HRG: variants seen among roughly 807,000 people sequenced by gnomAD.
HRG encodes histidine-rich glycoprotein.
In HRG, 26 loss-of-function variants were observed where a neutral mutation model predicts 29.5. The observed-to-expected ratio is 0.88, with a 90% CI of 0.65 to 1.22. HRG has a LOEUF of 1.22. HRG is among the 50% of genes most tolerant of loss of function. The probability of loss-of-function intolerance (pLI) is 0.00; values close to 1 mark genes in which losing one functional copy is unlikely to be tolerated. For missense variants in HRG, 671 were observed against 654.5 expected (o/e 1.03, Z -0.28); for synonymous variants, 243 against 240.4 (o/e 1.01, Z -0.10).
intron 1 of HRG, 72 bp downstream of exon 1, chr3:186,666,286 G>A: frequency 6.8e-7 from 1 of 1,475,116 alleles, no homozygotes; most frequent in Non-Finnish European, 9.4e-7. Flanking sequence ...TACCCCCTAG[G>A]CTTACTGCTT....
intron 6 of HRG, among the ~76,000 whole-genome samples, chr3:186,675,570 G>T (rs985293744): frequency 1.3e-5 from 2 of 152,030 alleles, no homozygotes; most frequent in Admixed American, 1.3e-4. Context: ...CTTTGTAGTC[G>T]GGACTCTAGT....
In HRG at chr3:186,678,119, G is replaced by A. The variant is rs942299979; in HGVS notation, c.*236G>A. Reference sequence around the variant, plus strand: ...TGTCACTCACCACTACATCACTTGAGACAAATCTATGCCACTCAGAATCTC... The same window carrying A: ...TGTCACTCACCACTACATCACTTGAAACAAATCTATGCCACTCAGAATCTC... On this transcript the variant is annotated 3_prime_UTR_variant, in exon 7 of 7. Transcript: ENST00000232003. 1 of 508,130 alleles carries A rather than the reference G, an allele frequency of 2.0e-6. No homozygotes were observed. The highest frequency in any genetic ancestry group is 3.5e-6 in the Non-Finnish European group (1 of 282,834). The allele number at this position is 508,130 out of a possible 1,614,324, so 31.5% of individuals were successfully genotyped here.
chr3:186,671,715 C>T lies in HRG; in HGVS notation c.484C>T (p.Leu162Phe). The change falls in exon 4 of 7, where the codon CTT (leucine) becomes TTT (phenylalanine). Residue 162 changes from leucine (L) to phenylalanine (F), a missense_variant. Physicochemically the swap from Leu to Phe is conservative, Grantham distance 22. Coordinates refer to ENST00000232003, the MANE Select transcript of HRG (RefSeq NM_000412.5). ...ERYRKQANKA[L>F]EKYKEENDDF... Reference sequence around the variant, plus strand: ...CTACAGAAAACAAGCCAACAAAGCCCTTGAGAAGTACAAAGAGGAGAATGA... The same window carrying T: ...CTACAGAAAACAAGCCAACAAAGCCTTTGAGAAGTACAAAGAGGAGAATGA... 2.5e-6 allele frequency: 4 copies of T among 1,613,954 alleles called. 1 individual carries two copies. Among genetic ancestry groups the T allele is most frequent in the Non-Finnish European group, 3.4e-6 (4 of 1,179,898 alleles).
At chr3:186,666,810 GGTTGAGGCAGAA>G (rs1238158840) in intron 1 of HRG, 4 of 155,732 alleles carry the variant, frequency 2.6e-5, no homozygotes, top group Admixed American at 1.3e-4. Flanking sequence ...CTACTCAGGG[GGTTGAGGCAGAA>G]GAATCGCTTG....
intron 6 of HRG, among the ~76,000 whole-genome samples, chr3:186,676,153 G>A (rs1428538956): frequency 6.6e-6 from 1 of 151,986 alleles, no homozygotes; most frequent in Non-Finnish European, 1.5e-5. Flanking sequence ...ACAGACATGA[G>A]CCACCGTGCC....
chr3:186,667,463 T>C (rs139987539), intron 1 of HRG, among the ~76,000 whole-genome samples: 60 of 152,256 alleles, frequency 3.9e-4, no homozygotes, highest in African/African-American at 1.1e-3. Context: ...CTTCCCATTT[T>C]CTTCAGTTCA....
intron 5 of HRG, chr3:186,674,868 GA>G (rs1373392072): frequency 1.3e-5 from 7 of 527,816 alleles, no homozygotes; most frequent in East Asian, 7.6e-5. Flanking sequence ...GCCTGCTCAT[GA>G]AAAAAACCAC....
Position 186,671,810 on chromosome 3 carries a change from G to A in HRG, c.558+21G>A, listed in dbSNP as rs150963946. Reference sequence around the variant, plus strand: ...GAGTGGTGAGTCTCCACTAAGGTTCGGTTGGAGTCTGAAGGCCCAGGCTCC... The same window carrying A: ...GAGTGGTGAGTCTCCACTAAGGTTCAGTTGGAGTCTGAAGGCCCAGGCTCC... On this transcript the variant is annotated intron_variant, in intron 4 of 6. Coordinates refer to ENST00000232003, the MANE Select transcript of HRG (RefSeq NM_000412.5). 117 of 1,611,900 alleles carry A rather than the reference G, an allele frequency of 7.3e-5. No individual in the cohort carries two copies. The African/African-American group carries it at 7.7e-4, about 11-fold the overall frequency.
rs148593044 is a variant in HRG, at chr3:186,666,103, C to A, written c.72C>A (p.Cys24Ter). The change falls in exon 1 of 7, where the codon TGC becomes TGA. Residue 24 changes from cysteine (C) to a stop codon, truncating the protein, a stop_gained. Transcript: ENST00000232003. LOFTEE classifies it high-confidence loss of function. ...CGTGTGCCGTGAGTCCCACTGACTG[C>A]AGTGCTGTTGAGCCGGAGGCTGAGA... ...QYSCAVSPTD[C>*]SAVEPEAEKA... The A allele has an allele frequency of 1.2e-4, 195 of 1,614,056 alleles. No homozygotes were observed. The highest frequency in any genetic ancestry group is 1.4e-4 in the Non-Finnish European group (170 of 1,180,008).
chr3:186,669,839 G>A (rs1256767954), intron 2 of HRG, 99 bp from the exon 3 acceptor site: 1 of 770,980 alleles, frequency 1.3e-6, no homozygotes, highest in African/African-American at 1.7e-5. Context: ...TAAATGAACA[G>A]TAGGAGGATG....
chr3:186,666,322 G>GT, intron 1 of HRG, 108 bp downstream of exon 1: 1 of 1,188,874 alleles, frequency 8.4e-7, no homozygotes. Context: ...TTTGGTCAGA[G>GT]TTTTTTGTTT....
At position 186,671,786 on chromosome 3, in the gene HRG, A is replaced by T. The variant is rs563933562; in HGVS notation, c.555A>T (p.Arg185Ser). ...FRVDRIERVA[R>S]VRGGEGTGYF... Reference sequence around the variant, plus strand: ...TGGACCGAATCGAGAGAGTTGCAAGAGTGGTGAGTCTCCACTAAGGTTCGG... The same window carrying T: ...TGGACCGAATCGAGAGAGTTGCAAGTGTGGTGAGTCTCCACTAAGGTTCGG... Residue 185 changes from arginine (R) to serine (S), a missense_variant, in exon 4 of 7, where the codon AGA becomes AGT. Coordinates refer to ENST00000232003, the MANE Select transcript of HRG (RefSeq NM_000412.5). The T allele has an allele frequency of 1.5e-5, 24 of 1,613,702 alleles. 1 individual carries two copies. The South Asian group carries it at 2.4e-4, about 16-fold the overall frequency.
rs945204864 is a variant in HRG at position 186,677,412 on chromosome 3, C to G, written c.1107C>G (p.His369Gln). Reference protein sequence around the residue: ...QHPHGHHPHAHHPHEHDTHRQ... With the variant: ...QHPHGHHPHAQHPHEHDTHRQ... ...CCCACGGACACCATCCCCATGCACA[C>G]CATCCTCATGAACATGATACCCATA... The change falls in exon 7 of 7, where the codon CAC becomes CAG. Residue 369 changes from histidine (H) to glutamine (Q), a missense_variant. Coordinates refer to ENST00000232003, the MANE Select transcript of HRG (RefSeq NM_000412.5). 6.2e-7 allele frequency: 1 copy of G among 1,608,170 alleles called. No individual in the cohort carries two copies. Among genetic ancestry groups the G allele is most frequent in the South Asian group, 1.1e-5 (1 of 90,176 alleles).
rs1001665040 is a variant in HRG at position 186,666,353 on chromosome 3, A to G, written c.183+139A>G. 1.5e-5 allele frequency: 12 copies of G among 809,928 alleles called. No individual in the cohort carries two copies. In the Admixed American group the frequency reaches 1.6e-4, roughly 11 times the overall value. 50.2% of individuals were successfully genotyped at this position (809,928 alleles called of 1,614,324 possible). On this transcript the variant is annotated intron_variant, in intron 1 of 6. Transcript: ENST00000232003. ...TGTTTGGCTTCTGCGGCTGCTCTAA[A>G]TTGTTCTTTTTTCCTTCAAACTAAT...
intron 6 of HRG, 45 bp downstream of exon 6, chr3:186,675,235 T>A (rs1451471911): frequency 5.9e-6 from 7 of 1,183,070 alleles, no homozygotes; most frequent in Non-Finnish European, 8.9e-6. Flanking sequence ...CCAGATTAAG[T>A]GACATACGTA....
chr3:186,677,477 C>T lies in HRG; in HGVS notation c.1172C>T (p.Pro391Leu). Residue 391 changes from proline (P) to leucine (L), a missense_variant, in exon 7 of 7, where the codon CCT becomes CTT. Pro to Leu is a moderately conservative substitution (Grantham distance 98). Coordinates refer to ENST00000232003, the MANE Select transcript of HRG (RefSeq NM_000412.5). The stretch of plus-strand genomic sequence containing the variant: ...GGACACCACCCCCATGGACACCATC[C>T]TCATGGACACCACCCCCATGGACAC... ...PHGHHPHGHH[P>L]HGHHPHGHHP... 2 of 1,592,170 alleles carry T rather than the reference C, an allele frequency of 1.3e-6. No individual in the cohort carries two copies. Among genetic ancestry groups the T allele is most frequent in the Non-Finnish European group, 1.7e-6 (2 of 1,169,210 alleles).
rs1045367405 is a variant in HRG, at chr3:186,668,585, G to A, written c.184-350G>A. The A allele has an allele frequency of 4.8e-5, 14 of 291,774 alleles. No homozygotes were observed. In the Admixed American group the frequency reaches 5.5e-4, roughly 12 times the overall value. 18.1% of individuals were successfully genotyped at this position (291,774 alleles called of 1,614,324 possible). A position where few individuals can be genotyped will look rare whatever the true frequency, so the allele number is the denominator to read the frequency against. On this transcript the variant is annotated intron_variant, in intron 1 of 6. Coordinates refer to ENST00000232003, the MANE Select transcript of HRG (RefSeq NM_000412.5). ...TGATCAGTAATAGAGCTGGGCAAGAGGACACAACTACAAGGACAGATTGGA... is the reference window on the plus strand; with the variant it reads ...TGATCAGTAATAGAGCTGGGCAAGAAGACACAACTACAAGGACAGATTGGA...
rs1254179299 is a variant in HRG at position 186,675,282 on chromosome 3, TGG to T, written c.741+94_741+95del. 9.7e-4 allele frequency: 570 copies of T among 590,420 alleles called. 10 individuals carry two copies. The East Asian group carries it at 0.013, about 14-fold the overall frequency. The allele number at this position is 590,420 out of a possible 1,614,324, so 36.6% of individuals were successfully genotyped here. A position where few individuals can be genotyped will look rare whatever the true frequency, so the allele number is the denominator to read the frequency against. On this transcript the variant is annotated intron_variant, in intron 6 of 6. Transcript: ENST00000232003. ...TTGTTGCTTCCTAAAGCTCTATGAG[TGG>T]GTGTGTGTGTGTGTGTGTGTGTGTG...
At chr3:186,669,573 G>A (rs758600231) in intron 2 of HRG, 1 of 367,312 alleles carries the variant, frequency 2.7e-6, no homozygotes, top group Non-Finnish European at 5.2e-6. Context: ...GACATGCCAG[G>A]CTCTCTGACA....
Sources: gnomAD v4.1 joint callset for allele counts (sites outside exome capture counted in the v4.1 genomes callset) on GRCh38, gnomAD v4.1.1 for gene constraint, MANE v1.5 for transcripts, NCBI Gene and HGNC (gene_info 2026-07-23, HGNC 2026-07-21) for gene names.